TRANK1: variants seen among roughly 807,000 people sequenced by gnomAD.
TRANK1 encodes the protein tetratricopeptide repeat and ankyrin repeat containing 1, also known as TPR and ankyrin repeat-containing protein 1.
Under a neutral mutation model 266.0 loss-of-function variants are expected in TRANK1, and 198 were observed. That is an observed-to-expected ratio of 0.74 (90% CI 0.66 to 0.84). The LOEUF (loss-of-function observed/expected upper bound fraction) is 0.84, where lower values mean the gene tolerates loss of function less well. TRANK1 is among the 40% of genes least tolerant of loss of function. The pLI is 0.00. For synonymous variants in TRANK1, 1,396 were observed against 1,384.1 expected (o/e 1.01, Z -0.19); for missense variants, 3,326 against 3,634.6 (o/e 0.92, Z 2.18).
In TRANK1 at chr3:36,856,360, A is replaced by G; in HGVS notation, c.3362T>C (p.Val1121Ala). 1 of 1,581,140 alleles carries G rather than the reference A, an allele frequency of 6.3e-7. No homozygotes were observed. Among genetic ancestry groups the G allele is most frequent in the Non-Finnish European group, 8.6e-7 (1 of 1,163,680 alleles). ...KQVWLKRRLE[V>A]EPGKESPGGE... ...ACCTGGACTCTCTTTTCCGGGTTCCACTTCCAACCTTCTCTTCAGCCAGAC... is the reference window on the plus strand; with the variant it reads ...ACCTGGACTCTCTTTTCCGGGTTCCGCTTCCAACCTTCTCTTCAGCCAGAC... The change falls in exon 13 of 24, where the codon GTG becomes GCG. Residue 1121 changes from valine (V) to alanine (A), a missense_variant. Physicochemically the swap from Val to Ala is moderately conservative, Grantham distance 64. Transcript: ENST00000645898.
chr3:36,861,310 A>T, intron 10 of TRANK1, 150 bp from the exon 11 acceptor site: 3 of 961,316 alleles, frequency 3.1e-6, no homozygotes, highest in Non-Finnish European at 4.5e-6. Flanking sequence ...CCACTCATGA[A>T]CATCAGTGTA....
At position 36,831,141 on chromosome 3, in the gene TRANK1, GT is replaced by G; in HGVS notation, c.8441del (p.Asn2814ThrfsTer11). 6.2e-7 allele frequency: 1 copy of G among 1,613,986 alleles called. No individual in the cohort carries two copies. Among genetic ancestry groups the G allele is most frequent in the Non-Finnish European group, 8.5e-7 (1 of 1,179,892 alleles). ...GGATATGCTGCTCGTAAGACTCGCT[GT>G]TCCTCTCCTGACACTCCTCCCTTTC... Reference protein sequence around the residue: ...ELEREECQERNSESYEQHIHL... With the variant: ...ELEREECQERXSESYEQHIHL... On this transcript the variant is annotated frameshift_variant, in exon 22 of 24. Coordinates refer to ENST00000645898, the MANE Select transcript of TRANK1 (RefSeq NM_001329998.2). LOFTEE classifies it high-confidence loss of function. The surrounding 1 kb of genome is among the most constrained non-coding windows in gnomAD (Gnocchi z 5.0).
rs1436801799 is a variant in TRANK1, at chr3:36,831,591, A to G, written c.7992T>C (p.Tyr2664=). The change falls in exon 22 of 24, where the codon TAT becomes TAC. Residue 2664 remains tyrosine (Y), a synonymous_variant. Transcript: ENST00000645898. The surrounding 1 kb of genome is among the most constrained non-coding windows in gnomAD (Gnocchi z 5.0). ...GGCGGTTTAGTCTGACCTCCTCATA[A>G]TAGAGGCCACGGACTATGGACCCTT... ...HTKGSIVRGL[Y]YEEVRLNRLL... is the part of the protein sequence containing the mutation. The G allele has an allele frequency of 6.2e-7, 1 of 1,613,704 alleles. No individual in the cohort carries two copies.
chr3:36,942,683 C>G (rs1355447973), intron 1 of TRANK1, among the ~76,000 whole-genome samples: 1 of 149,918 alleles, frequency 6.7e-6, no homozygotes, highest in Non-Finnish European at 1.5e-5. Flanking sequence ...CTACAGTATT[C>G]TATCACTCAA....
chr3:36,890,729 T>C (rs2125603764), intron 7 of TRANK1, among the ~76,000 whole-genome samples: 1 of 152,294 alleles, frequency 6.6e-6, no homozygotes, highest in Admixed American at 6.5e-5. Flanking sequence ...GACTCCTTCC[T>C]TGGAGTTCCT....
intron 2 of TRANK1, among the ~76,000 whole-genome samples, chr3:36,907,459 A>ATTTTTTTT (rs1212991729): frequency 1.8e-4 from 19 of 104,326 alleles, no homozygotes; most frequent in South Asian, 3.1e-4. Flanking sequence ...AAATTTATTG[A>ATTTTTTTT]TTTTTTTTTT....
intron 8 of TRANK1, chr3:36,880,570 C>A: frequency 5.1e-6 from 1 of 194,262 alleles, no homozygotes; most frequent in Non-Finnish European, 1.1e-5. Flanking sequence ...ATCTGTAGGT[C>A]TGTAGCATCT....
intron 1 of TRANK1, among the ~76,000 whole-genome samples, chr3:36,929,009 A>G (rs1484557117): frequency 6.6e-6 from 1 of 152,202 alleles, no homozygotes; most frequent in Admixed American, 6.5e-5. Flanking sequence ...ATTTTTAATA[A>G]AAAGAGAAGT....
At chr3:36,940,625 C>T (rs1256330251) in intron 1 of TRANK1, among the ~76,000 whole-genome samples, 1 of 152,176 alleles carries the variant, frequency 6.6e-6, no homozygotes, top group African/African-American at 2.4e-5. Context: ...ACCTCCCATA[C>T]TTCTTCTGGG....
intron 8 of TRANK1, among the ~76,000 whole-genome samples, chr3:36,876,152 C>G (rs1016328643): frequency 6.6e-6 from 1 of 152,158 alleles, no homozygotes; most frequent in Non-Finnish European, 1.5e-5. Context: ...TGAGAACCAC[C>G]CAGTTTTCCT....
At position 36,832,253 on chromosome 3, in the gene TRANK1, G is replaced by C. The variant is rs1405622297; in HGVS notation, c.7330C>G (p.Pro2444Ala). The C allele has an allele frequency of 1.2e-6, 2 of 1,613,816 alleles. No individual in the cohort carries two copies. The highest frequency in any genetic ancestry group is 3.3e-5 in the Admixed American group (2 of 59,996). ...MNVLIKRCKE[P>A]LIPSIGNTVA... is the part of the protein sequence containing the mutation. ...GTGTTTCCAATGCTGGGGATGAGTG[G>C]TTCTTTGCACCTCTTGATGAGGACA... The change falls in exon 22 of 24, where the codon CCA (proline) becomes GCA (alanine). Residue 2444 changes from proline to alanine, a missense_variant. Transcript: ENST00000645898.
At position 36,832,911 on chromosome 3, in the gene TRANK1, C is replaced by T. The variant is rs867659681; in HGVS notation, c.6672G>A (p.Ser2224=). ...CGTTGATTGCCACCAAGTTCATTTT[C>T]GACTGAACTAAACACTTGGCTTCAC... ...RRCEAKCLVQ[S]KMNLVAINGL... is the part of the protein sequence containing the mutation. Residue 2224 remains serine, a synonymous_variant, in exon 22 of 24, where the codon TCG becomes TCA. Transcript: ENST00000645898. The T allele has an allele frequency of 3.1e-5, 50 of 1,613,448 alleles. No individual in the cohort carries two copies. Among genetic ancestry groups the T allele is most frequent in the Admixed American group, 1.7e-4 (10 of 59,964 alleles).
Position 36,916,566 on chromosome 3 carries a change from TA to T in TRANK1, c.24-8113del, listed in dbSNP as rs1559472056. 9.2e-5 allele frequency among the ~76,000 whole-genome samples: 14 copies of T among 151,698 alleles called. No individual in the cohort carries two copies. The South Asian group carries it at 2.9e-3, about 32-fold the overall frequency. On this transcript the variant is annotated intron_variant, in intron 1 of 23. Coordinates refer to ENST00000645898, the MANE Select transcript of TRANK1 (RefSeq NM_001329998.2). ...CAGAGCAAGACTCTGTCTCAAAAAA[TA>T]AAAAAACCAAGATCCAATTGATACT...
intron 5 of TRANK1, among the ~76,000 whole-genome samples, chr3:36,894,619 C>T (rs919642376): frequency 1.3e-5 from 2 of 152,180 alleles, no homozygotes; most frequent in Non-Finnish European, 2.9e-5. Context: ...TTCCCATGAA[C>T]CCCCTGAAAC....
chr3:36,857,145 GA>G lies in TRANK1; in HGVS notation c.2576del (p.Ile859ThrfsTer21). On this transcript the variant is annotated frameshift_variant, in exon 13 of 24. Transcript: ENST00000645898. LOFTEE classifies it high-confidence loss of function. This position sits in a 1 kb window ranked among gnomAD's most constrained non-coding sequence, Gnocchi z 4.3. ...KVMTKVIKKK[I>X]ILAIQQLGNG... is the part of the protein sequence containing the mutation. ...TTCCCAGCTGCTGAATGGCAAGGATGATTTTCTTCTTGATGACCTTGGTCAT... is the reference window on the plus strand; with the variant it reads ...TTCCCAGCTGCTGAATGGCAAGGATGTTTTCTTCTTGATGACCTTGGTCAT... The G allele has an allele frequency of 6.2e-7, 1 of 1,613,938 alleles. No homozygotes were observed. Among genetic ancestry groups the G allele is most frequent in the East Asian group, 2.2e-5 (1 of 44,886 alleles).
chr3:36,830,480 C>A (rs551524542), intron 22 of TRANK1, among the ~76,000 whole-genome samples: 1 of 152,310 alleles, frequency 6.6e-6, no homozygotes, highest in Non-Finnish European at 1.5e-5. Context: ...GTCAAGAGAA[C>A]CTTAAAGAGT....
intron 16 of TRANK1, 56 bp downstream of exon 16, chr3:36,847,144 G>A: frequency 1.9e-6 from 3 of 1,548,632 alleles, no homozygotes; most frequent in Non-Finnish European, 2.6e-6. Flanking sequence ...TCTCTTCCAA[G>A]CCTTTTTCAC....
chr3:36,838,101 C>T (rs1468973736), intron 20 of TRANK1, among the ~76,000 whole-genome samples: 1 of 152,124 alleles, frequency 6.6e-6, no homozygotes, highest in Non-Finnish European at 1.5e-5. Flanking sequence ...GAGCATTTGG[C>T]TTCCCTGTGG....
intron 15 of TRANK1, among the ~76,000 whole-genome samples, chr3:36,849,788 A>C (rs576003545): frequency 6.6e-6 from 1 of 152,296 alleles, no homozygotes; most frequent in South Asian, 2.1e-4. Flanking sequence ...GAGGTTGTAA[A>C]TGATAAACTG....
Sources: gnomAD v4.1 joint callset for allele counts (sites outside exome capture counted in the v4.1 genomes callset) on GRCh38, gnomAD v4.1.1 for gene constraint, Gnocchi (gnomAD v3.1) non-coding constraint, MANE v1.5 for transcripts, NCBI Gene and HGNC (gene_info 2026-07-23, HGNC 2026-07-21) for gene names.